The following GATAD1 variants were observed in gnomAD, a reference collection of about 807,000 sequenced individuals.
GATAD1 encodes the protein GATA zinc finger domain-containing protein 1.
A neutral mutation model predicts 26.5 loss-of-function variants in GATAD1; 12 were observed. The ratio of observed to expected loss-of-function variants is 0.45; its 90% confidence interval spans 0.29 to 0.73. GATAD1 has a LOEUF of 0.73. Ranked by LOEUF, GATAD1 falls within the 30% of genes least tolerant of loss-of-function variation. The probability of loss-of-function intolerance (pLI) is 0.10; values close to 1 mark genes in which losing one functional copy is unlikely to be tolerated. For missense variants in GATAD1, 266 were observed against 342.1 expected (o/e 0.78, Z 1.75); for synonymous variants, 129 against 133.1 (o/e 0.97, Z 0.21).
chr7:92,476,807 G>T, the GATAD1 span, among the ~76,000 whole-genome samples: 5 of 152,132 alleles, frequency 3.3e-5, no homozygotes, highest in Non-Finnish European at 5.9e-5. Context: ...CCTAAATTGG[G>T]AGGGACACCA....
At chr7:92,463,814 C>G (rs868784878), downstream of GATAD1, among the ~76,000 whole-genome samples, 1 of 151,758 alleles carries the variant, frequency 6.6e-6, no homozygotes, top group Non-Finnish European at 1.5e-5. Context: ...ATTAAAAATA[C>G]AAAAATTAGT....
the GATAD1 span, chr7:92,489,741 G>A: frequency 4.3e-6 from 7 of 1,614,080 alleles, no homozygotes; most frequent in Non-Finnish European, 5.9e-6. Context: ...ATCTGCCTTT[G>A]ATAATACTGA....
Position 92,456,628 on chromosome 7 carries a change from C to T in GATAD1, c.*66C>T, listed in dbSNP as rs1789683783. The T allele has an allele frequency of 1.5e-5, 14 of 929,982 alleles. No homozygotes were observed. In the South Asian group the frequency reaches 2.0e-4, roughly 13 times the overall value. The allele number at this position is 929,982 out of a possible 1,614,324, so 57.6% of individuals were successfully genotyped here. ...CTCACGCCTGTAGCCCCAGCTATTG[C>T]ACCACTGCTCTCCAAGCTGGGCAAT... is the stretch of plus-strand genomic sequence containing the variant. On this transcript the variant is annotated 3_prime_UTR_variant, in exon 5 of 5. Transcript: ENST00000287957.
the GATAD1 span, among the ~76,000 whole-genome samples, chr7:92,479,144 G>A: frequency 1.2e-4 from 19 of 152,116 alleles, no homozygotes; most frequent in South Asian, 2.5e-3. Context: ...TCTTTTTTGC[G>A]TATTAAACTC....
chr7:92,493,002 T>C, the GATAD1 span: 6 of 1,613,790 alleles, frequency 3.7e-6, no homozygotes, highest in African/African-American at 2.7e-5. Context: ...CAATTGGGCA[T>C]TGTAAAGTAA....
chr7:92,447,920 C>G lies in GATAD1; in HGVS notation c.191C>G (p.Thr64Ser), dbSNP rs1237791404. Residue 64 changes from threonine to serine, a missense_variant, in exon 1 of 5, where the codon ACC (threonine) becomes AGC (serine). Physicochemically the swap from Thr to Ser is moderately conservative, Grantham distance 58 (BLOSUM62 1). Coordinates refer to ENST00000287957, the MANE Select transcript of GATAD1 (RefSeq NM_021167.5). ...GSGGGGFGAA[T>S]FASTSATPPQ... ...GGCGGCGGCGGCTTCGGCGCGGCGA[C>G]CTTCGCCAGCACCTCCGCCACCCCT... 8.0e-7 allele frequency: 1 copy of G among 1,249,042 alleles called. No homozygotes were observed. The highest frequency in any genetic ancestry group is 1.6e-5 in the African/African-American group (1 of 63,964). 77.4% of individuals were successfully genotyped at this position (1,249,042 alleles called of 1,614,324 possible). A position where few individuals can be genotyped will look rare whatever the true frequency, so the allele number is the denominator to read the frequency against.
At chr7:92,481,688 T>C in the GATAD1 span, among the ~76,000 whole-genome samples, 265 of 152,176 alleles carry the variant, frequency 1.7e-3, 1 homozygote, top group Non-Finnish European at 3.0e-3. Context: ...CTTCAAGGAA[T>C]GGAAAGAGGA....
rs2115836944 is a variant in GATAD1, at chr7:92,447,884, C to G, written c.155C>G (p.Thr52Ser). The change falls in exon 1 of 5, where the codon ACT becomes AGT. Residue 52 changes from threonine to serine, a missense_variant. By Grantham distance (58) the Thr-to-Ser change is moderately conservative. Coordinates refer to ENST00000287957, the MANE Select transcript of GATAD1 (RefSeq NM_021167.5). ...GGAGSGAAGG[T>S]GGSGGGGFGA... Reference sequence around the variant, plus strand: ...GCAGGCTCGGGGGCGGCTGGAGGGACTGGGGGCAGCGGCGGCGGCGGCTTC... The same window carrying G: ...GCAGGCTCGGGGGCGGCTGGAGGGAGTGGGGGCAGCGGCGGCGGCGGCTTC... The G allele has an allele frequency of 1.2e-5, 16 of 1,287,476 alleles. No homozygotes were observed. The highest frequency in any genetic ancestry group is 1.6e-5 in the Non-Finnish European group (16 of 1,017,208). 79.8% of individuals were successfully genotyped at this position (1,287,476 alleles called of 1,614,324 possible). A position where few individuals can be genotyped will look rare whatever the true frequency, so the allele number is the denominator to read the frequency against.
Position 92,457,671 on chromosome 7 carries a change from T to C in GATAD1, c.*1109T>C, listed in dbSNP as rs1789738022. The C allele has an allele frequency of 1.3e-5, 2 of 152,180 alleles. No homozygotes were observed. Among genetic ancestry groups the C allele is most frequent in the Admixed American group, 6.5e-5 (1 of 15,278 alleles). The allele number at this position is 152,180 out of a possible 1,614,324, so 9.4% of individuals were successfully genotyped here. ...TTTTCTATAAGAACAAAATATTAAT[T>C]AAGGTATAGATGACTGACCAAGGGC... On this transcript the variant is annotated 3_prime_UTR_variant, in exon 5 of 5. Transcript: ENST00000287957.
chr7:92,460,866 A>T (rs1018182376), downstream of GATAD1, among the ~76,000 whole-genome samples: 2 of 151,370 alleles, frequency 1.3e-5, no homozygotes, highest in African/African-American at 4.9e-5. Context: ...TTTCAGCTTT[A>T]TACTTCGCAG....
At chr7:92,448,343 A>C (rs902055357) in intron 1 of GATAD1, among the ~76,000 whole-genome samples, 10 of 152,218 alleles carry the variant, frequency 6.6e-5, no homozygotes, top group Admixed American at 3.3e-4. Context: ...TGTAAATGGC[A>C]GCTTAAGTAT....
At chr7:92,472,147 T>A in the GATAD1 span, 44 of 152,264 alleles carry the variant, frequency 2.9e-4, no homozygotes, top group African/African-American at 9.9e-4. Context: ...TTATGTTTTA[T>A]CTTTTCTTCA....
chr7:92,492,873 A>AT, the GATAD1 span: 1 of 1,128,524 alleles, frequency 8.9e-7, no homozygotes, highest in Non-Finnish European at 1.4e-6. Flanking sequence ...AAAAAATAGC[A>AT]TTTTTTAAGG....
At chr7:92,471,648 T>A in the GATAD1 span, 1 of 152,220 alleles carries the variant, frequency 6.6e-6, no homozygotes, top group Admixed American at 6.5e-5. Context: ...TGCAGCTCTT[T>A]TGGCTTCAAT....
chr7:92,482,779 G>A, the GATAD1 span, among the ~76,000 whole-genome samples: 1 of 152,110 alleles, frequency 6.6e-6, no homozygotes, highest in African/African-American at 2.4e-5. Flanking sequence ...AACTGGGCAG[G>A]TGAGGATAAC....
the GATAD1 span, among the ~76,000 whole-genome samples, chr7:92,483,805 A>C: frequency 6.6e-6 from 1 of 152,156 alleles, no homozygotes; most frequent in African/African-American, 2.4e-5. Flanking sequence ...AGAGGAGGTG[A>C]TAAAAGGATT....
chr7:92,457,161 GAAAAAAAAAAAA>G lies in GATAD1; in HGVS notation c.*608_*619del, dbSNP rs35310565. 1 of 95,562 alleles carries G rather than the reference GAAAAAAAAAAAA, an allele frequency of 1.0e-5. No individual in the cohort carries two copies. The highest frequency in any genetic ancestry group is 2.1e-5 in the Non-Finnish European group (1 of 46,808). 5.9% of individuals were successfully genotyped at this position (95,562 alleles called of 1,614,324 possible). The stretch of plus-strand genomic sequence containing the variant: ...GCAACAGAGTGAGACTCTTGTCTCG[GAAAAAAAAAAAA>G]AAAAAAAAGGCTGGGCACAGTGGCT... On this transcript the variant is annotated 3_prime_UTR_variant, in exon 5 of 5. Transcript: ENST00000287957.
At chr7:92,471,757 A>C in the GATAD1 span, 1 of 152,206 alleles carries the variant, frequency 6.6e-6, no homozygotes, top group African/African-American at 2.4e-5. Context: ...ACAGCCAATA[A>C]TAATTTCCTA....
the GATAD1 span, among the ~76,000 whole-genome samples, chr7:92,482,575 G>C: frequency 6.6e-6 from 1 of 152,080 alleles, no homozygotes; most frequent in Non-Finnish European, 1.5e-5. Context: ...TAATGGGATA[G>C]TAATGGGCGT....
Sources: gnomAD v4.1 joint callset for allele counts (sites outside exome capture counted in the v4.1 genomes callset) on GRCh38, gnomAD v4.1.1 for gene constraint, MANE v1.5 for transcripts, NCBI Gene and HGNC (gene_info 2026-07-23, HGNC 2026-07-21) for gene names.